The following POLR3A variants were observed in gnomAD, a reference collection of about 807,000 sequenced individuals.
The protein encoded by POLR3A is DNA-directed RNA polymerase III subunit RPC1.
In POLR3A, 112 loss-of-function variants were observed where a neutral mutation model predicts 152.8. The ratio of observed to expected loss-of-function variants is 0.73; its 90% CI spans 0.63 to 0.86. The LOEUF (loss-of-function observed/expected upper bound fraction) is 0.86, where lower values mean the gene tolerates loss of function less well. POLR3A is among the 40% of genes least tolerant of loss of function. The pLI is 0.00. For missense variants in POLR3A, 1,385 were observed against 1,743.1 expected (o/e 0.79, Z 3.66); for synonymous variants, 615 against 652.1 (o/e 0.94, Z 0.87).
At chr10:78,015,410 C>T (rs1847513474) in intron 10 of POLR3A, among the ~76,000 whole-genome samples, 1 of 150,464 alleles carries the variant, frequency 6.6e-6, no homozygotes, top group African/African-American at 2.4e-5. Flanking sequence ...TCACTGCAAC[C>T]TCTGCCTCCT....
chr10:78,021,728 G>C, intron 7 of POLR3A, 46 bp from the exon 8 acceptor site: 1 of 1,611,696 alleles, frequency 6.2e-7, no homozygotes, highest in Admixed American at 1.7e-5. Flanking sequence ...CATACCATGT[G>C]CTCATGGGAA....
chr10:78,019,573 T>C, intron 8 of POLR3A: 1 of 413,090 alleles, frequency 2.4e-6, no homozygotes, highest in South Asian at 2.5e-5. Context: ...TCTGTGATCC[T>C]AGAAACAGGT....
At chr10:77,995,189 A>C (rs1056709156) in intron 19 of POLR3A, among the ~76,000 whole-genome samples, 1 of 152,360 alleles carries the variant, frequency 6.6e-6, no homozygotes, top group East Asian at 1.9e-4. Context: ...AATAACCGGT[A>C]CCAGCCACTG....
rs1223769789 is a variant in POLR3A at position 78,021,778 on chromosome 10, A to G, written c.1048+82T>C. On this transcript the variant is annotated intron_variant, in intron 7 of 30. Transcript: ENST00000372371. ...AGACTGAGGAAAGCCTGTGACCTCC[A>G]ATCAGAGAAGCTGGACAGACACTCC... 5.0e-6 allele frequency: 8 copies of G among 1,609,212 alleles called. No individual in the cohort carries two copies. The African/African-American group carries it at 1.1e-4, about 22-fold the overall frequency.
intron 23 of POLR3A, 99 bp from the exon 24 acceptor site, chr10:77,985,439 T>C: frequency 2.2e-6 from 2 of 927,580 alleles, no homozygotes; most frequent in Non-Finnish European, 3.5e-6. Context: ...CAACAGAGAA[T>C]ATAGATGCTA....
intron 21 of POLR3A, 77 bp downstream of exon 21, chr10:77,990,977 A>C (rs1847241894): frequency 2.4e-6 from 2 of 818,334 alleles, no homozygotes; most frequent in Non-Finnish European, 4.2e-6. Flanking sequence ...TATAAAATCC[A>C]CTTGCCAGCC....
At chr10:77,998,672 G>A (rs1293142744) in intron 19 of POLR3A, among the ~76,000 whole-genome samples, 1 of 152,224 alleles carries the variant, frequency 6.6e-6, no homozygotes, top group Non-Finnish European at 1.5e-5. Flanking sequence ...AGAGGATGTG[G>A]AGAAATAGGA....
intron 15 of POLR3A, among the ~76,000 whole-genome samples, chr10:78,006,480 C>T (rs1847413618): frequency 7.2e-6 from 1 of 139,738 alleles, no homozygotes; most frequent in South Asian, 2.4e-4. Context: ...AAATTAAATA[C>T]ATGACAGTGA....
At position 78,022,157 on chromosome 10, in the gene POLR3A, A is replaced by G. The variant is rs987091394; in HGVS notation, c.873T>C (p.Asp291=). ...GGGAGGCACTGACCTTTTTAATAAC[A>G]TCGTTTAGGAAAATGATTTCTGTCA... ...MKLTEIIFLN[D]VIKKHRISGA... Residue 291 remains aspartate, a synonymous_variant, in exon 6 of 31, where the codon GAT becomes GAC. Coordinates refer to ENST00000372371, the MANE Select transcript of POLR3A (RefSeq NM_007055.4). 7.1e-5 allele frequency: 115 copies of G among 1,614,002 alleles called. No homozygotes were observed. Among genetic ancestry groups the G allele is most frequent in the Non-Finnish European group, 9.5e-5 (112 of 1,179,988 alleles).
chr10:77,991,331 A>C (rs1390350015), intron 20 of POLR3A, among the ~76,000 whole-genome samples, 164 bp from the exon 21 acceptor site: 1 of 152,230 alleles, frequency 6.6e-6, no homozygotes, highest in East Asian at 1.9e-4. Flanking sequence ...TTTCATGTGA[A>C]GGTGAAAACT....
At chr10:77,987,002 G>A (rs1205638548) in intron 21 of POLR3A, among the ~76,000 whole-genome samples, 3 of 152,186 alleles carry the variant, frequency 2.0e-5, no homozygotes, top group East Asian at 3.9e-4. Flanking sequence ...TTTACAGTGT[G>A]TCTGTGAAAT....
At chr10:78,010,091 C>A (rs968593208) in intron 12 of POLR3A, 100 bp from the exon 13 acceptor site, 7 of 1,464,782 alleles carry the variant, frequency 4.8e-6, no homozygotes, top group Non-Finnish European at 6.5e-6. Context: ...TGACCAACAG[C>A]GTGAATTGAA....
intron 21 of POLR3A, among the ~76,000 whole-genome samples, chr10:77,988,380 G>A (rs1420198469): frequency 6.6e-6 from 1 of 152,040 alleles, no homozygotes; most frequent in African/African-American, 2.4e-5. Context: ...AAATTAGCTG[G>A]GCATGGTGGC....
intron 7 of POLR3A, 58 bp downstream of exon 7, chr10:78,021,802 C>T: frequency 1.2e-6 from 2 of 1,611,282 alleles, no homozygotes; most frequent in Non-Finnish European, 1.7e-6. Context: ...GACAGACACT[C>T]CTGAAAAAGG....
At chr10:77,987,634 G>A (rs1254939150) in intron 21 of POLR3A, among the ~76,000 whole-genome samples, 1 of 152,210 alleles carries the variant, frequency 6.6e-6, no homozygotes, top group East Asian at 1.9e-4. Flanking sequence ...AATCCTATAA[G>A]GTATCCACAG....
chr10:77,992,261 ACTTTTTTTTTCAT>A (rs1212823500), intron 20 of POLR3A, among the ~76,000 whole-genome samples: 2 of 145,858 alleles, frequency 1.4e-5, no homozygotes, highest in African/African-American at 2.7e-5. Context: ...ACTGAAAACA[ACTTTTTTTTTCAT>A]CTTTTTTTTT....
In POLR3A at chr10:78,017,200, G is replaced by T. The variant is rs944551662; in HGVS notation, c.1431+375C>A. On this transcript the variant is annotated intron_variant, in intron 10 of 30. Transcript: ENST00000372371. ...CCCAGAACTTTGGGAGGCTGAAGGA[G>T]GATCGCTTGAGCCCAAGAGTTCCAG... Among the ~76,000 whole-genome samples, 3 of 152,204 alleles carry T rather than the reference G, an allele frequency of 2.0e-5. No individual in the cohort carries two copies. The East Asian group carries it at 5.8e-4, about 29-fold the overall frequency.
intron 21 of POLR3A, among the ~76,000 whole-genome samples, chr10:77,989,078 G>A (rs1213987014): frequency 1.3e-5 from 2 of 152,134 alleles, no homozygotes; most frequent in African/African-American, 4.8e-5. Context: ...CTACACAAAG[G>A]TTCTGGAAAT....
At chr10:78,015,985 A>G (rs1847519678) in intron 10 of POLR3A, among the ~76,000 whole-genome samples, 1 of 152,232 alleles carries the variant, frequency 6.6e-6, no homozygotes. Flanking sequence ...TAATGTGTTC[A>G]GACGACCCCA....
Sources: gnomAD v4.1 joint callset for allele counts (sites outside exome capture counted in the v4.1 genomes callset) on GRCh38, gnomAD v4.1.1 for gene constraint, MANE v1.5 for transcripts, NCBI Gene and HGNC (gene_info 2026-07-23, HGNC 2026-07-21) for gene names.